PKP2: variants seen among roughly 807,000 people sequenced by gnomAD.
PKP2 encodes the protein plakophilin 2.
Under a neutral mutation model 83.4 loss-of-function variants are expected in PKP2, and 73 were observed. The ratio of observed to expected loss-of-function variants is 0.88; its 90% CI spans 0.72 to 1.06. The LOEUF (loss-of-function observed/expected upper bound fraction) is 1.06, where lower values mean the gene tolerates loss of function less well. PKP2 is among the 50% of genes least tolerant of loss of function. The pLI is 0.00. For missense variants in PKP2, 966 were observed against 1,065.4 expected (o/e 0.91, Z 1.30); for synonymous variants, 409 against 430.4 (o/e 0.95, Z 0.62).
chr12:32,873,013 C>CTAGGATTG (rs1037190513), intron 3 of PKP2, among the ~76,000 whole-genome samples: 3 of 152,048 alleles, frequency 2.0e-5, no homozygotes, highest in Non-Finnish European at 4.4e-5. Flanking sequence ...TGCTCTTGGT[C>CTAGGATTG]ACAAATTTGA....
intron 5 of PKP2, among the ~76,000 whole-genome samples, chr12:32,845,946 CGAATGCG>C (rs1431318256): frequency 5.9e-5 from 9 of 152,126 alleles, no homozygotes; most frequent in African/African-American, 1.9e-4. Context: ...TTACACATTA[CGAATGCG>C]GAATAAAATA....
chr12:32,896,432 G>A (rs919986727), intron 1 of PKP2, 77 bp downstream of exon 1: 1 of 1,135,626 alleles, frequency 8.8e-7, no homozygotes, highest in African/African-American at 1.6e-5. Flanking sequence ...CCCAGCACGC[G>A]GGGTGAGGGC....
At chr12:32,830,549 T>C (rs141378261) in intron 6 of PKP2, among the ~76,000 whole-genome samples, 2 of 152,220 alleles carry the variant, frequency 1.3e-5, no homozygotes, top group Admixed American at 6.5e-5. Flanking sequence ...AAAAAAGCTA[T>C]GTTGTCATCT....
At chr12:32,844,429 T>G (rs1956628691) in intron 5 of PKP2, among the ~76,000 whole-genome samples, 2 of 152,098 alleles carry the variant, frequency 1.3e-5, no homozygotes, top group Non-Finnish European at 2.9e-5. Flanking sequence ...ATTGGGAAGG[T>G]ACATAACACA....
chr12:32,820,312 G>A (rs1304768644), intron 9 of PKP2: 1 of 152,164 alleles, frequency 6.6e-6, no homozygotes, highest in Non-Finnish European at 1.5e-5. Flanking sequence ...GAGCTATTTG[G>A]GGGGAGTTTA....
At chr12:32,812,965 C>G (rs186977521) in intron 9 of PKP2, among the ~76,000 whole-genome samples, 9 of 152,274 alleles carry the variant, frequency 5.9e-5, no homozygotes, top group East Asian at 3.9e-4. Context: ...TAGCTGTAAA[C>G]TATCGTGGGC....
chr12:32,879,780 G>C (rs896056363), intron 1 of PKP2, among the ~76,000 whole-genome samples: 1 of 146,964 alleles, frequency 6.8e-6, no homozygotes, highest in South Asian at 2.2e-4. Flanking sequence ...CAGTGAAGCT[G>C]AGATTGCGCC....
intron 6 of PKP2, among the ~76,000 whole-genome samples, chr12:32,825,892 T>TA (rs1213119164): frequency 6.6e-6 from 1 of 152,062 alleles, no homozygotes; most frequent in Non-Finnish European, 1.5e-5. Flanking sequence ...AGACCCTGTC[T>TA]AAAAAATTAA....
Position 32,863,419 on chromosome 12 carries a change from T to C in PKP2, c.1170+5508A>G, listed in dbSNP as rs530669247. ...TGGACACAGAGTCCGAGTGATGCTG[T>C]ACCCCTCAAGGATTTAAACTAATGA... is the stretch of plus-strand genomic sequence containing the variant. On this transcript the variant is annotated intron_variant, in intron 4 of 12. Transcript: ENST00000340811. 3 of 239,402 alleles carry C rather than the reference T, an allele frequency of 1.3e-5. No homozygotes were observed. The South Asian group carries it at 2.0e-4, about 16-fold the overall frequency. 14.8% of individuals were successfully genotyped at this position (239,402 alleles called of 1,614,324 possible).
In PKP2 at chr12:32,853,288, A is replaced by C. The variant is rs1322534459; in HGVS notation, c.1171-2315T>G. 2.6e-5 allele frequency among the ~76,000 whole-genome samples: 4 copies of C among 151,386 alleles called. 1 individual carries two copies. The South Asian group carries it at 8.5e-4, about 32-fold the overall frequency. On this transcript the variant is annotated intron_variant, in intron 4 of 12. Transcript: ENST00000340811. ...TTTTTGGATTAGGAATGCTCAACCA[A>C]TGTAATGCGAATATTCCAAAATCTG...
At chr12:32,832,163 G>C (rs1956505671) in intron 6 of PKP2, among the ~76,000 whole-genome samples, 1 of 152,126 alleles carries the variant, frequency 6.6e-6, no homozygotes, top group African/African-American at 2.4e-5. Context: ...CAGATCACGA[G>C]ATCAGAAGAT....
At chr12:32,800,804 T>C (rs1276679883) in intron 10 of PKP2, among the ~76,000 whole-genome samples, 1 of 152,240 alleles carries the variant, frequency 6.6e-6, no homozygotes, top group Non-Finnish European at 1.5e-5. Context: ...TACAAACCCA[T>C]GTTTTCTGTG....
In PKP2 at chr12:32,877,917, G is replaced by T; in HGVS notation, c.963C>A (p.Val321=). The change falls in exon 3 of 13, where the codon GTC becomes GTA. Residue 321 remains valine (V), a synonymous_variant. Coordinates refer to ENST00000340811, the MANE Select transcript of PKP2 (RefSeq NM_001005242.3). ...CACTTCCCCCTGCGGCCGCCTGGCCGACAGTCAAGTGCGCTCTCCTCCCGC... is the reference window on the plus strand; with the variant it reads ...CACTTCCCCCTGCGGCCGCCTGGCCTACAGTCAAGTGCGCTCTCCTCCCGC... ...DSSGRRAHLT[V]GQAAAGGSGN... 3.1e-6 allele frequency: 5 copies of T among 1,614,124 alleles called. No individual in the cohort carries two copies. The highest frequency in any genetic ancestry group is 4.2e-6 in the Non-Finnish European group (5 of 1,179,988).
chr12:32,862,780 CT>C (rs1468085399), intron 4 of PKP2, among the ~76,000 whole-genome samples: 1 of 151,924 alleles, frequency 6.6e-6, no homozygotes. Flanking sequence ...GGGTGGATCC[CT>C]TGAGGTCAGG....
At chr12:32,829,091 G>A (rs916068178) in intron 6 of PKP2, among the ~76,000 whole-genome samples, 14 of 151,998 alleles carry the variant, frequency 9.2e-5, no homozygotes, top group Middle Eastern at 3.4e-3. Context: ...ATGCACTGCC[G>A]AGCCCAGCTA....
chr12:32,843,334 G>A (rs375872775), intron 5 of PKP2: 27 of 1,364,404 alleles, frequency 2.0e-5, no homozygotes, highest in East Asian at 1.8e-4. Flanking sequence ...GAAAGAGGAA[G>A]CATAGGTACT....
intron 1 of PKP2, among the ~76,000 whole-genome samples, chr12:32,887,400 G>A (rs1305710583): frequency 6.6e-6 from 1 of 152,134 alleles, no homozygotes; most frequent in Non-Finnish European, 1.5e-5. Context: ...CATTTGGGGG[G>A]CAATCCTCAA....
Position 32,821,562 on chromosome 12 carries a change from G to T in PKP2, c.1840-33C>A, listed in dbSNP as rs756516987. 11 of 1,605,176 alleles carry T rather than the reference G, an allele frequency of 6.9e-6. No homozygotes were observed. In the South Asian group the frequency reaches 9.9e-5, roughly 14 times the overall value. Reference sequence around the variant, plus strand: ...CACACAAAAGGAATCCAGAATTAATGCATGTCAGGTGATGGCTATAATTTC... The same window carrying T: ...CACACAAAAGGAATCCAGAATTAATTCATGTCAGGTGATGGCTATAATTTC... On this transcript the variant is annotated intron_variant, in intron 8 of 12. Coordinates refer to ENST00000340811, the MANE Select transcript of PKP2 (RefSeq NM_001005242.3).
intron 9 of PKP2, among the ~76,000 whole-genome samples, chr12:32,804,621 G>A (rs1956212143): frequency 6.6e-6 from 1 of 152,168 alleles, no homozygotes; most frequent in African/African-American, 2.4e-5. Flanking sequence ...TCCCTGCAAA[G>A]GACATGATCT....
Sources: allele counts gnomAD v4.1 joint callset (sites outside exome capture counted in the v4.1 genomes callset), GRCh38; gene constraint gnomAD v4.1.1; transcripts MANE v1.5; gene names NCBI Gene and HGNC (gene_info 2026-07-23, HGNC 2026-07-21).